Variants in SMIM8 observed in about 807,000 individuals in gnomAD.
SMIM8 encodes the protein small integral membrane protein 8.
In SMIM8, 8 loss-of-function variants were observed where a neutral mutation model predicts 8.1. The ratio of observed to expected loss-of-function variants is 0.99; its 90% confidence interval spans 0.58 to 1.78. The LOEUF (loss-of-function observed/expected upper bound fraction) is 1.78, where lower values mean the gene tolerates loss of function less well. SMIM8 is among the 40% of genes most tolerant of loss of function. The pLI is 0.00. For missense variants in SMIM8, 126 were observed against 119.8 expected (o/e 1.05, Z -0.24); for synonymous variants, 45 against 39.7 (o/e 1.13, Z -0.50).
intron 2 of SMIM8, among the ~76,000 whole-genome samples, chr6:87,336,416 A>C (rs977966189): frequency 2.0e-5 from 3 of 152,210 alleles, no homozygotes; most frequent in Non-Finnish European, 4.4e-5. Context: ...GCAGGGCATA[A>C]CCTACCCAGA....
chr6:87,336,377 T>C (rs1222444262), intron 2 of SMIM8, among the ~76,000 whole-genome samples: 1 of 152,122 alleles, frequency 6.6e-6, no homozygotes, highest in Admixed American at 6.5e-5. Context: ...GTAGCTAAGA[T>C]AAAAAAGGAT....
intron 1 of SMIM8, among the ~76,000 whole-genome samples, chr6:87,326,331 C>T (rs916865942): frequency 1.3e-5 from 2 of 152,072 alleles, no homozygotes; most frequent in Non-Finnish European, 2.9e-5. Context: ...TTTGCTCTTG[C>T]TTTTCTAGTT....
At chr6:87,334,316 A>G (rs1006493977) in intron 2 of SMIM8, among the ~76,000 whole-genome samples, 2 of 152,234 alleles carry the variant, frequency 1.3e-5, no homozygotes, top group Non-Finnish European at 2.9e-5. Flanking sequence ...ATATTCTGGA[A>G]TTGTTTCACA....
rs769851848 is a variant in SMIM8 at position 87,337,138 on chromosome 6, C to T, written c.107C>T (p.Ala36Val). 4.3e-6 allele frequency: 7 copies of T among 1,612,436 alleles called. No homozygotes were observed. The South Asian group carries it at 6.6e-5, about 15-fold the overall frequency. The change falls in exon 3 of 4, where the codon GCT (alanine) becomes GTT (valine). Residue 36 changes from alanine (A) to valine (V), a missense_variant. Transcript: ENST00000392863. ...GTGCGCACAACAACCTTATTTCGTG[C>T]TGTGAATCCAGAGCTCTTCATTAAA... is the stretch of plus-strand genomic sequence containing the variant. ...RGVRTTTLFR[A>V]VNPELFIKPN... is the part of the protein sequence containing the mutation.
intron 3 of SMIM8, among the ~76,000 whole-genome samples, chr6:87,338,996 G>A (rs242280): frequency 0.43 from 64,935 of 149,306 alleles, 14,434 homozygotes; most frequent in Non-Finnish European, 0.48. Context: ...ATCTCTTGAG[G>A]CCAGGAGTTC....
chr6:87,339,174 G>A (rs1582098012), intron 3 of SMIM8, among the ~76,000 whole-genome samples: 2 of 152,250 alleles, frequency 1.3e-5, no homozygotes, highest in African/African-American at 4.8e-5. Flanking sequence ...GGCATGGTGT[G>A]CACAACTGTA....
intron 1 of SMIM8, among the ~76,000 whole-genome samples, chr6:87,328,726 A>G (rs995455000): frequency 3.3e-4 from 50 of 152,324 alleles, no homozygotes; most frequent in Admixed American, 9.8e-4. Flanking sequence ...CCCTGCCCCC[A>G]GAGGTGGAGC....
chr6:87,329,315 C>G (rs1776933645), intron 1 of SMIM8: 1 of 153,090 alleles, frequency 6.5e-6, no homozygotes, highest in Admixed American at 6.5e-5. Context: ...CGCTCTGTCG[C>G]CCAGGCTGGA....
intron 1 of SMIM8, among the ~76,000 whole-genome samples, chr6:87,323,699 G>A (rs955190280): frequency 2.6e-5 from 4 of 152,000 alleles, no homozygotes; most frequent in South Asian, 2.1e-4. Context: ...GTTGGTTCCA[G>A]GTCTTTGCTA....
rs187518905 is a variant in SMIM8, at chr6:87,340,418, G to A, written c.*144G>A. ...TAGCAGTTGCAACCAGACAACTGTC[G>A]TAAATTTTGTCCTTTCACAGCTGCA... On this transcript the variant is annotated 3_prime_UTR_variant, in exon 4 of 4. Coordinates refer to ENST00000392863, the MANE Select transcript of SMIM8 (RefSeq NM_001042493.3). The A allele has an allele frequency of 4.4e-5, 34 of 774,188 alleles. No homozygotes were observed. The Admixed American group carries it at 1.0e-3, about 24-fold the overall frequency. 48.0% of individuals were successfully genotyped at this position (774,188 alleles called of 1,614,324 possible).
intron 1 of SMIM8, among the ~76,000 whole-genome samples, chr6:87,323,565 A>C (rs1431007199): frequency 2.0e-5 from 3 of 151,626 alleles, no homozygotes; most frequent in African/African-American, 7.3e-5. Context: ...GAGAATGATG[A>C]TTTCCAATTT....
Position 87,340,858 on chromosome 6 carries a change from T to C in SMIM8, c.*584T>C, listed in dbSNP as rs963382945. 1 of 154,458 alleles carries C rather than the reference T, an allele frequency of 6.5e-6. No homozygotes were observed. The highest frequency in any genetic ancestry group is 2.4e-5 in the African/African-American group (1 of 41,580). The allele number at this position is 154,458 out of a possible 1,614,324, so 9.6% of individuals were successfully genotyped here. A position where few individuals can be genotyped will look rare whatever the true frequency, so the allele number is the denominator to read the frequency against. ...ATTTTAGCTATTTTTGGGACAGAATTTTATTTTAATGGAAAAGATCCTTCC... is the reference window on the plus strand; with the variant it reads ...ATTTTAGCTATTTTTGGGACAGAATCTTATTTTAATGGAAAAGATCCTTCC... On this transcript the variant is annotated 3_prime_UTR_variant, in exon 4 of 4. Transcript: ENST00000392863.
At chr6:87,339,945 C>T (rs933302940) in intron 3 of SMIM8, among the ~76,000 whole-genome samples, 171 bp from the exon 4 acceptor site, 1 of 152,160 alleles carries the variant, frequency 6.6e-6, no homozygotes, top group Admixed American at 6.5e-5. Flanking sequence ...TAATCAGTAG[C>T]TTAGCTAATT....
At chr6:87,324,705 A>T (rs1027415395) in intron 1 of SMIM8, among the ~76,000 whole-genome samples, 1 of 151,772 alleles carries the variant, frequency 6.6e-6, no homozygotes, top group South Asian at 2.1e-4. Flanking sequence ...AGGTAGTGTG[A>T]TACCTCCAGC....
In SMIM8 at chr6:87,340,179, C is replaced by T; in HGVS notation, c.199C>T (p.Leu67=). The change falls in exon 4 of 4, where the codon CTA becomes TTA. Residue 67 remains leucine, a synonymous_variant. Transcript: ENST00000392863. Reference sequence around the variant, plus strand: ...ACTTTGCGTGGCATATATTGGTTATCTACATGCAATACAAGAGAATAAAAA... The same window carrying T: ...ACTTTGCGTGGCATATATTGGTTATTTACATGCAATACAAGAGAATAAAAA... ...LSLCVAYIGY[L]HAIQENKKDL... 1 of 1,609,970 alleles carries T rather than the reference C, an allele frequency of 6.2e-7. No individual in the cohort carries two copies. Among genetic ancestry groups the T allele is most frequent in the Middle Eastern group, 1.7e-4 (1 of 6,038 alleles).
At chr6:87,329,471 C>T (rs1776937914) in intron 1 of SMIM8, among the ~76,000 whole-genome samples, 1 of 152,148 alleles carries the variant, frequency 6.6e-6, no homozygotes, top group Non-Finnish European at 1.5e-5. Context: ...GACGGGGTTT[C>T]ACCATATTGG....
Position 87,337,140 on chromosome 6 carries a change from G to C in SMIM8, c.109G>C (p.Val37Leu), listed in dbSNP as rs141864670. The C allele has an allele frequency of 1.9e-5, 30 of 1,612,380 alleles. No individual in the cohort carries two copies. Among genetic ancestry groups the C allele is most frequent in the Non-Finnish European group, 2.5e-5 (30 of 1,179,120 alleles). Residue 37 changes from valine to leucine, a missense_variant, in exon 3 of 4, where the codon GTG becomes CTG. Val to Leu is a conservative substitution (Grantham distance 32). Coordinates refer to ENST00000392863, the MANE Select transcript of SMIM8 (RefSeq NM_001042493.3). The stretch of plus-strand genomic sequence containing the variant: ...GCGCACAACAACCTTATTTCGTGCT[G>C]TGAATCCAGAGCTCTTCATTAAACC... ...GVRTTTLFRA[V>L]NPELFIKPNK...
chr6:87,333,815 T>C (rs550985322), intron 2 of SMIM8, among the ~76,000 whole-genome samples: 6 of 152,328 alleles, frequency 3.9e-5, no homozygotes, highest in African/African-American at 1.4e-4. Flanking sequence ...GTAGAAAGCA[T>C]TGGATTTTTG....
chr6:87,338,906 CTTTTTTTTT>C (rs58307492), intron 3 of SMIM8, among the ~76,000 whole-genome samples: 10 of 116,104 alleles, frequency 8.6e-5, no homozygotes, highest in African/African-American at 3.4e-4. Context: ...TATTTAAAAG[CTTTTTTTTT>C]TTTTTTTTTT....
Sources: allele counts gnomAD v4.1 joint callset (sites outside exome capture counted in the v4.1 genomes callset), GRCh38; gene constraint gnomAD v4.1.1; transcripts MANE v1.5; gene names NCBI Gene and HGNC (gene_info 2026-07-23, HGNC 2026-07-21).